ROR1: variants seen among roughly 807,000 people sequenced by gnomAD.
ROR1 encodes inactive tyrosine-protein kinase transmembrane receptor ROR1.
Under a neutral mutation model 78.8 loss-of-function variants are expected in ROR1, and 19 were observed. That is an observed-to-expected ratio of 0.24 (90% CI 0.17 to 0.35). The LOEUF (loss-of-function observed/expected upper bound fraction) is 0.35, where lower values mean the gene tolerates loss of function less well. Ranked by LOEUF, ROR1 falls within the 10% of genes least tolerant of loss-of-function variation. ROR1 has a pLI of 1.00. For synonymous variants in ROR1, 386 were observed against 433.6 expected (o/e 0.89, Z 1.36); for missense variants, 917 against 1,177.8 (o/e 0.78, Z 3.24).
In ROR1 at chr1:63,794,949, A is replaced by G. The variant is rs182287439; in HGVS notation, c.91+20441A>G. 2.2e-4 allele frequency among the ~76,000 whole-genome samples: 33 copies of G among 151,958 alleles called. No homozygotes were observed. The East Asian group carries it at 6.2e-3, about 29-fold the overall frequency. ...GGTGGAGAGACATAATAACCGGAGG[A>G]ATTAGAATTTGTTTTGGTACATGCC... is the stretch of plus-strand genomic sequence containing the variant. On this transcript the variant is annotated intron_variant, in intron 1 of 8. Transcript: ENST00000371079.
intron 1 of ROR1, among the ~76,000 whole-genome samples, chr1:63,893,083 G>A (rs1645410744): frequency 6.6e-6 from 1 of 152,208 alleles, no homozygotes; most frequent in Non-Finnish European, 1.5e-5. Flanking sequence ...TGTCTCTAGA[G>A]TGGTGGACAC....
chr1:63,822,980 A>G (rs1185094111), intron 1 of ROR1, among the ~76,000 whole-genome samples: 2 of 152,182 alleles, frequency 1.3e-5, no homozygotes, highest in Non-Finnish European at 2.9e-5. Context: ...TGTGGAAATA[A>G]AGTGGTTTTT....
chr1:64,044,123 C>T (rs1225898925), intron 2 of ROR1, among the ~76,000 whole-genome samples: 1 of 152,106 alleles, frequency 6.6e-6, no homozygotes, highest in African/African-American at 2.4e-5. Flanking sequence ...ACTGCTTGTT[C>T]GGAAATAGAA....
chr1:64,058,217 C>T (rs1646890000), intron 4 of ROR1, among the ~76,000 whole-genome samples: 1 of 152,094 alleles, frequency 6.6e-6, no homozygotes, highest in Admixed American at 6.5e-5. Flanking sequence ...TTAGCTCTAG[C>T]AGTTTTTTTG....
chr1:63,997,540 TC>T (rs1646347118), intron 1 of ROR1, among the ~76,000 whole-genome samples: 1 of 152,160 alleles, frequency 6.6e-6, no homozygotes, highest in African/African-American at 2.4e-5. Flanking sequence ...TAACTCCCTT[TC>T]CCCTAGACTC....
intron 1 of ROR1, among the ~76,000 whole-genome samples, chr1:63,987,435 G>T (rs285351): frequency 0.78 from 118,246 of 152,124 alleles, 46,410 homozygotes; most frequent in East Asian, 0.94. Flanking sequence ...AAGGTATATG[G>T]GCTGTCAGCT....
chr1:63,868,767 A>G (rs918408577), intron 1 of ROR1, among the ~76,000 whole-genome samples: 5 of 152,218 alleles, frequency 3.3e-5, no homozygotes, highest in African/African-American at 7.2e-5. Context: ...TTCATGGGGC[A>G]CATGCCTCTG....
intron 1 of ROR1, among the ~76,000 whole-genome samples, chr1:63,892,018 T>A (rs1188938290): frequency 6.6e-6 from 1 of 152,198 alleles, no homozygotes; most frequent in Non-Finnish European, 1.5e-5. Context: ...ATTCAGCAAG[T>A]CAAAGGAGGA....
In ROR1 at chr1:63,931,610, C is replaced by T. The variant is rs80058038; in HGVS notation, c.92-77695C>T. Among the ~76,000 whole-genome samples, 477 of 152,296 alleles carry T rather than the reference C, an allele frequency of 3.1e-3. 3 individuals carry two copies. The highest frequency in any genetic ancestry group is 0.011 in the African/African-American group (450 of 41,558). On this transcript the variant is annotated intron_variant, in intron 1 of 8. Transcript: ENST00000371079. Reference sequence around the variant, plus strand: ...GTAGTATGGTGAAATCTCACGCCTTCCTGCTTAGTTCTGCCTGGGACCTGC... The same window carrying T: ...GTAGTATGGTGAAATCTCACGCCTTTCTGCTTAGTTCTGCCTGGGACCTGC...
At chr1:63,948,111 C>T (rs907107879) in intron 1 of ROR1, among the ~76,000 whole-genome samples, 2 of 152,072 alleles carry the variant, frequency 1.3e-5, no homozygotes, top group Non-Finnish European at 2.9e-5. Flanking sequence ...AAGTTACTGA[C>T]GTGGAATTTA....
intron 4 of ROR1, among the ~76,000 whole-genome samples, chr1:64,090,169 G>A (rs1161131932): frequency 6.6e-6 from 1 of 152,100 alleles, no homozygotes; most frequent in Admixed American, 6.6e-5. Flanking sequence ...GAAGTCTTCT[G>A]CATATTGAAG....
intron 1 of ROR1, among the ~76,000 whole-genome samples, chr1:63,881,812 A>G (rs1397732025): frequency 6.6e-6 from 1 of 152,184 alleles, no homozygotes; most frequent in Non-Finnish European, 1.5e-5. Flanking sequence ...CTTAAGTGTC[A>G]GATCCAATCT....
chr1:63,850,914 C>T (rs561209747), intron 1 of ROR1, among the ~76,000 whole-genome samples: 2 of 152,192 alleles, frequency 1.3e-5, no homozygotes, highest in East Asian at 3.9e-4. Context: ...AATTCAGGGA[C>T]CTTGCTCTCT....
intron 4 of ROR1, among the ~76,000 whole-genome samples, chr1:64,120,352 A>C (rs762707938): frequency 3.9e-5 from 6 of 152,182 alleles, no homozygotes; most frequent in Non-Finnish European, 7.3e-5. Context: ...TGTCCAGTGG[A>C]ACCACATACG....
intron 1 of ROR1, among the ~76,000 whole-genome samples, chr1:63,951,318 TC>T (rs1196216393): frequency 6.6e-6 from 1 of 152,170 alleles, no homozygotes; most frequent in African/African-American, 2.4e-5. Context: ...CAGGCATTGT[TC>T]CAGGCACCCT....
chr1:64,163,222 A>ACACACACACACACACAC, intron 8 of ROR1, among the ~76,000 whole-genome samples: 1 of 137,760 alleles, frequency 7.3e-6, no homozygotes, highest in Middle Eastern at 3.6e-3. Context: ...CATCTCTACA[A>ACACACACACACACACAC]ACACACACAC....
chr1:64,122,068 G>T (rs1459109149), intron 4 of ROR1, among the ~76,000 whole-genome samples: 1 of 152,138 alleles, frequency 6.6e-6, no homozygotes, highest in Non-Finnish European at 1.5e-5. Context: ...GCCTCACTTA[G>T]CCTGCATTTA....
chr1:64,070,037 C>T (rs1002100400), intron 4 of ROR1, among the ~76,000 whole-genome samples: 2 of 152,152 alleles, frequency 1.3e-5, no homozygotes, highest in African/African-American at 4.8e-5. Context: ...AACCACTAAT[C>T]TACTTTCTGT....
rs146900947 is a variant in ROR1, at chr1:64,065,105, C to T, written c.482+14389C>T. ...GAGACAGTAAACTTCTAGATATTTG[C>T]TTCCTGGGCCTCCAAAGACAGAATT... On this transcript the variant is annotated intron_variant, in intron 4 of 8. Transcript: ENST00000371079. Among the ~76,000 whole-genome samples the T allele has an allele frequency of 1.1e-4, 17 of 152,286 alleles. No homozygotes were observed. The East Asian group carries it at 3.1e-3, about 28-fold the overall frequency.
Sources: gnomAD v4.1 joint callset for allele counts (sites outside exome capture counted in the v4.1 genomes callset) on GRCh38, gnomAD v4.1.1 for gene constraint, MANE v1.5 for transcripts, NCBI Gene and HGNC (gene_info 2026-07-23, HGNC 2026-07-21) for gene names.